RTTN: variants seen among roughly 807,000 people sequenced by gnomAD.
RTTN encodes rotatin.
In RTTN, 182 loss-of-function variants were observed where a neutral mutation model predicts 269.2. The observed-to-expected ratio is 0.68, with a 90% CI of 0.60 to 0.76. The LOEUF (loss-of-function observed/expected upper bound fraction) is 0.76, where lower values mean the gene tolerates loss of function less well. RTTN is among the 30% of genes least tolerant of loss of function. The probability of loss-of-function intolerance (pLI) is 0.00; values close to 1 mark genes in which losing one functional copy is unlikely to be tolerated. For synonymous variants in RTTN, 1,006 were observed against 963.5 expected (o/e 1.04, Z -0.82); for missense variants, 2,545 against 2,608.6 (o/e 0.98, Z 0.53).
rs532754850 is a variant in RTTN at position 70,045,292 on chromosome 18, T to C, written c.5541+2679A>G. Among the ~76,000 whole-genome samples, 85 of 152,350 alleles carry C rather than the reference T, an allele frequency of 5.6e-4. No individual in the cohort carries two copies. The South Asian group carries it at 0.012, about 22-fold the overall frequency. The stretch of plus-strand genomic sequence containing the variant: ...AGGCAGCTGAAACTTAGTAATAATG[T>C]AATAAAAGCCTATCATTTTGCACTT... On this transcript the variant is annotated intron_variant, in intron 40 of 48. Coordinates refer to ENST00000640769, the MANE Select transcript of RTTN (RefSeq NM_173630.4).
At chr18:70,146,121 C>A (rs1982602) in intron 17 of RTTN, among the ~76,000 whole-genome samples, 123,739 of 152,084 alleles carry the variant, frequency 0.81, 53,513 homozygotes, top group East Asian at 1. Context: ...AACTATTCTC[C>A]ACCATAAAAA....
chr18:70,009,327 G>C (rs183807100), intron 46 of RTTN, among the ~76,000 whole-genome samples: 3 of 152,098 alleles, frequency 2.0e-5, no homozygotes, highest in African/African-American at 7.2e-5. Context: ...TATTAGAGAC[G>C]GGGTTTTACC....
chr18:70,191,209 C>T (rs1269558947), intron 8 of RTTN, among the ~76,000 whole-genome samples: 1 of 151,512 alleles, frequency 6.6e-6, no homozygotes, highest in African/African-American at 2.4e-5. Context: ...AAAAAAAAGA[C>T]TCTAAATTGT....
chr18:70,076,666 C>T (rs77124318), intron 32 of RTTN, among the ~76,000 whole-genome samples: 2,946 of 152,064 alleles, frequency 0.019, 95 homozygotes, highest in African/African-American at 0.066. Flanking sequence ...TGTGAGCTTA[C>T]TCGTCCTAAA....
At chr18:70,062,815 C>T (rs552598345) in intron 35 of RTTN, among the ~76,000 whole-genome samples, 2 of 152,008 alleles carry the variant, frequency 1.3e-5, no homozygotes, top group East Asian at 1.9e-4. Context: ...GTCTCACTAT[C>T]GTGAAAAGTA....
rs73970816 is a variant in RTTN, at chr18:70,020,409, A to G, written c.6153+206T>C. ...AGAAGATAAATGAGAAGGAAATGGT[A>G]TGACTCTACTCTAGCTCCTGTCCTT... is the stretch of plus-strand genomic sequence containing the variant. On this transcript the variant is annotated intron_variant, in intron 45 of 48. Transcript: ENST00000640769. Among the ~76,000 whole-genome samples, 4,757 of 152,314 alleles carry G rather than the reference A, an allele frequency of 0.031. 280 individuals are homozygous for G. Among genetic ancestry groups the G allele is most frequent in the African/African-American group, 0.11 (4,517 of 41,542 alleles).
chr18:70,015,157 C>A (rs1213647402), intron 46 of RTTN, among the ~76,000 whole-genome samples: 1 of 151,852 alleles, frequency 6.6e-6, no homozygotes, highest in African/African-American at 2.4e-5. Context: ...TGGCTCACTG[C>A]AACCTCCGTC....
chr18:70,048,060 A>C lies in RTTN; in HGVS notation c.5452T>G (p.Leu1818Val). ...GAAGCCACTGTTGGACTACAGCATA[A>C]ATGTGTTTTGCTCTTAGCCTGGAGA... is the stretch of plus-strand genomic sequence containing the variant. ...GHLQAKSKTH[L>V]CCSPTVASLL... The change falls in exon 40 of 49, where the codon TTA becomes GTA. Residue 1818 changes from leucine (L) to valine (V), a missense_variant. By Grantham distance (32) the Leu-to-Val change is conservative. Coordinates refer to ENST00000640769, the MANE Select transcript of RTTN (RefSeq NM_173630.4). 2 of 1,614,142 alleles carry C rather than the reference A, an allele frequency of 1.2e-6. No individual in the cohort carries two copies. The highest frequency in any genetic ancestry group is 1.7e-6 in the Non-Finnish European group (2 of 1,179,986).
chr18:70,004,613 T>G lies in RTTN; in HGVS notation c.6596-377A>C, dbSNP rs569073952. ...AGCTAAAACAAACTAAAACCTCCCCTGCTTAAAAAAAAAAATCAGACTATA... is the reference window on the plus strand; with the variant it reads ...AGCTAAAACAAACTAAAACCTCCCCGGCTTAAAAAAAAAAATCAGACTATA... On this transcript the variant is annotated intron_variant, in intron 48 of 48. Coordinates refer to ENST00000640769, the MANE Select transcript of RTTN (RefSeq NM_173630.4). Among the ~76,000 whole-genome samples, 9 of 151,452 alleles carry G rather than the reference T, an allele frequency of 5.9e-5. No homozygotes were observed. The South Asian group carries it at 1.0e-3, about 18-fold the overall frequency.
chr18:70,092,113 T>C lies in RTTN; in HGVS notation c.4140A>G (p.Pro1380=), dbSNP rs777468705. The C allele has an allele frequency of 6.3e-7, 1 of 1,598,736 alleles. No individual in the cohort carries two copies. Among genetic ancestry groups the C allele is most frequent in the South Asian group, 1.1e-5 (1 of 90,714 alleles). Residue 1380 remains proline (P), a synonymous_variant, in exon 30 of 49, where the codon CCA becomes CCG. Coordinates refer to ENST00000640769, the MANE Select transcript of RTTN (RefSeq NM_173630.4). ...WLIPLWVDRD[P]EVRFTSLGLG... is the part of the protein sequence containing the mutation. ...CTTGATTCTCCTTCACACTCACCTC[T>C]GGGTCCCGATCAACCCATAATGGAA...
At chr18:70,017,322 A>G in intron 46 of RTTN, 85 bp downstream of exon 46, 1 of 1,313,512 alleles carries the variant, frequency 7.6e-7, no homozygotes, top group Non-Finnish European at 1.1e-6. Context: ...AATGCCTAGA[A>G]AATTATTTAT....
At chr18:70,029,539 T>G (rs900963112) in intron 42 of RTTN, among the ~76,000 whole-genome samples, 3 of 152,074 alleles carry the variant, frequency 2.0e-5, no homozygotes, top group Non-Finnish European at 2.9e-5. Flanking sequence ...CCACCCAGAT[T>G]TGGGGCAAAT....
chr18:70,029,968 G>C (rs1283444428), intron 42 of RTTN, 44 bp downstream of exon 42: 7 of 1,371,246 alleles, frequency 5.1e-6, no homozygotes, highest in African/African-American at 4.3e-5. Flanking sequence ...GAGGACTGGA[G>C]AATGGTCTCT....
intron 26 of RTTN, among the ~76,000 whole-genome samples, chr18:70,116,646 A>G (rs1446219934): frequency 6.6e-6 from 1 of 152,124 alleles, no homozygotes; most frequent in Non-Finnish European, 1.5e-5. Context: ...TACTTGGGCC[A>G]TTATTTTGTC....
chr18:70,043,958 A>C (rs1448091197), intron 40 of RTTN, among the ~76,000 whole-genome samples: 1 of 152,230 alleles, frequency 6.6e-6, no homozygotes, highest in Non-Finnish European at 1.5e-5. Context: ...ATAACTAGCA[A>C]ATACACAAAA....
chr18:70,087,344 T>C (rs1002275005), intron 31 of RTTN, among the ~76,000 whole-genome samples: 20 of 152,278 alleles, frequency 1.3e-4, no homozygotes, highest in African/African-American at 4.3e-4. Flanking sequence ...AGCTTTAAAG[T>C]TGATAAATCA....
intron 10 of RTTN, among the ~76,000 whole-genome samples, chr18:70,184,352 G>C (rs926257009): frequency 3.3e-5 from 5 of 152,016 alleles, no homozygotes; most frequent in African/African-American, 1.2e-4. Context: ...TCAGGAGTTC[G>C]AGACCAGCCT....
chr18:70,129,585 G>T (rs1479137365), intron 23 of RTTN: 1 of 151,394 alleles, frequency 6.6e-6, no homozygotes, highest in Non-Finnish European at 1.5e-5. Flanking sequence ...GCAGAAAAAT[G>T]AAACTAGATC....
At position 70,142,353 on chromosome 18, in the gene RTTN, G is replaced by A; in HGVS notation, c.2516C>T (p.Thr839Ile). ...ETVEKVYEIF[T>I]SDDVDLVLRK... is the part of the protein sequence containing the mutation. ...CAAAACGAGATCAACATCATCTGAG[G>A]TGAAGATTTCATATACCTTTTCAAC... The change falls in exon 19 of 49, where the codon ACC becomes ATC. Residue 839 changes from threonine (T) to isoleucine (I), a missense_variant. Thr to Ile is a moderately conservative substitution (Grantham distance 89). Transcript: ENST00000640769. 6.2e-7 allele frequency: 1 copy of A among 1,601,594 alleles called. No individual in the cohort carries two copies. The highest frequency in any genetic ancestry group is 8.5e-7 in the Non-Finnish European group (1 of 1,173,684).
Sources: allele counts gnomAD v4.1 joint callset (sites outside exome capture counted in the v4.1 genomes callset), GRCh38; gene constraint gnomAD v4.1.1; transcripts MANE v1.5; gene names NCBI Gene and HGNC (gene_info 2026-07-23, HGNC 2026-07-21).